The following ZNF33A variants were observed in gnomAD, a reference collection of about 807,000 sequenced individuals.
ZNF33A encodes zinc finger protein 33A, also known as brain my041 protein.
Under a neutral mutation model 15.9 loss-of-function variants are expected in ZNF33A, and 9 were observed. The ratio of observed to expected loss-of-function variants is 0.57; its 90% CI spans 0.34 to 0.99. The LOEUF (loss-of-function observed/expected upper bound fraction) is 0.99. Ranked by LOEUF, ZNF33A falls within the 50% of genes least tolerant of loss-of-function variation. The pLI, the probability that ZNF33A is intolerant of heterozygous loss-of-function variation, is 0.02. For missense variants in ZNF33A, 843 were observed against 941.6 expected, an observed-to-expected ratio of 0.90 and a Z score of 1.37; for synonymous variants, 294 against 324.2, an observed-to-expected ratio of 0.91 and a Z score of 1.00.
rs562389151 is a variant in ZNF33A at position 38,059,208 on chromosome 10, A to C, written c.*2648A>C. 1 of 152,322 alleles carries C rather than the reference A, an allele frequency of 6.6e-6. No individual in the cohort carries two copies. Among genetic ancestry groups the C allele is most frequent in the South Asian group, 2.1e-4 (1 of 4,830 alleles). 9.4% of individuals were successfully genotyped at this position (152,322 alleles called of 1,614,324 possible). A position where few individuals can be genotyped will look rare whatever the true frequency, so the allele number is the denominator to read the frequency against. On this transcript the variant is annotated 3_prime_UTR_variant, in exon 5 of 5. Coordinates refer to ENST00000432900, the MANE Select transcript of ZNF33A (RefSeq NM_006954.2). ...ACACAGAAGGAATACAGGAGAACTT[A>C]CTCAAGTTGGTAAAGAACATACTAC...
At chr10:38,023,811 T>C (rs1331802798) in intron 4 of ZNF33A, among the ~76,000 whole-genome samples, 4 of 152,128 alleles carry the variant, frequency 2.6e-5, no homozygotes, top group African/African-American at 2.4e-5. Context: ...GAAATAAAAC[T>C]TTATATTTAC....
intron 2 of ZNF33A, among the ~76,000 whole-genome samples, chr10:38,014,130 C>T (rs1446137029): frequency 1.4e-5 from 2 of 140,116 alleles, no homozygotes; most frequent in Admixed American, 7.7e-5. Flanking sequence ...CAGCCTCTGC[C>T]TTCAGGGCCC....
At chr10:38,047,624 CAAAAAAAAAAAAAAAAAAAAAAAAAAAA>C (rs554054575) in intron 4 of ZNF33A, among the ~76,000 whole-genome samples, 1 of 75,012 alleles carries the variant, frequency 1.3e-5, no homozygotes, top group Non-Finnish European at 2.5e-5. Flanking sequence ...GACTCTGTCT[CAAAAAAAAAAAAAAAAAAAAAAAAAAAA>C]AAAAAAAAAA....
intron 4 of ZNF33A, among the ~76,000 whole-genome samples, chr10:38,029,988 A>T (rs755582335): frequency 6.6e-6 from 1 of 152,230 alleles, no homozygotes; most frequent in Non-Finnish European, 1.5e-5. Flanking sequence ...TATTCATCCA[A>T]GAAGCTCAAC....
At position 38,059,116 on chromosome 10, in the gene ZNF33A, A is replaced by G. The variant is rs980483510; in HGVS notation, c.*2556A>G. ...ATTAGCAGCTCAAAGATGAAATACG[A>G]TCATATCAATAGGTACAGAAAAAGC... On this transcript the variant is annotated 3_prime_UTR_variant, in exon 5 of 5. Coordinates refer to ENST00000432900, the MANE Select transcript of ZNF33A (RefSeq NM_006954.2). 3 of 152,234 alleles carry G rather than the reference A, an allele frequency of 2.0e-5. No homozygotes were observed. The highest frequency in any genetic ancestry group is 7.2e-5 in the African/African-American group (3 of 41,464). 9.4% of individuals were successfully genotyped at this position (152,234 alleles called of 1,614,324 possible). A position where few individuals can be genotyped will look rare whatever the true frequency, so the allele number is the denominator to read the frequency against.
intron 1 of ZNF33A, 40 bp from the exon 2 acceptor site, chr10:38,012,258 C>G: frequency 6.2e-7 from 1 of 1,600,076 alleles, no homozygotes; most frequent in Non-Finnish European, 8.5e-7. Context: ...GCCAGGCAGG[C>G]CAAATCTTTC....
At chr10:38,023,697 A>G (rs1157656372) in intron 4 of ZNF33A, among the ~76,000 whole-genome samples, 8 of 152,226 alleles carry the variant, frequency 5.3e-5, no homozygotes, top group African/African-American at 1.7e-4. Context: ...ACTGGGAACA[A>G]GGCAAGGATG....
chr10:38,056,031 C>A lies in ZNF33A; in HGVS notation c.1907C>A (p.Pro636His). The A allele has an allele frequency of 6.2e-7, 1 of 1,613,956 alleles. No individual in the cohort carries two copies. Among genetic ancestry groups the A allele is most frequent in the Non-Finnish European group, 8.5e-7 (1 of 1,179,978 alleles). ...QHQRIHIGEK[P>H]YKCNECGKAF... Reference sequence around the variant, plus strand: ...CAGAGAATTCACATAGGGGAGAAACCCTATAAATGTAATGAGTGTGGAAAA... The same window carrying A: ...CAGAGAATTCACATAGGGGAGAAACACTATAAATGTAATGAGTGTGGAAAA... Residue 636 changes from proline to histidine, a missense_variant, in exon 5 of 5, where the codon CCC (proline) becomes CAC (histidine). Transcript: ENST00000432900.
At chr10:38,041,540 T>C (rs1387396023) in intron 4 of ZNF33A, among the ~76,000 whole-genome samples, 1 of 151,944 alleles carries the variant, frequency 6.6e-6, no homozygotes, top group Admixed American at 6.6e-5. Flanking sequence ...TTTTTATATA[T>C]ATTACATATA....
rs183459618 is a variant in ZNF33A, at chr10:38,014,437, C to G, written c.9+2087C>G. On this transcript the variant is annotated intron_variant, in intron 2 of 4. Transcript: ENST00000432900. ...GTGTGTACTAGTCTAGATGACTTTTCCTACTTCAAGGTTATGAAGATACTC... is the reference window on the plus strand; with the variant it reads ...GTGTGTACTAGTCTAGATGACTTTTGCTACTTCAAGGTTATGAAGATACTC... Among the ~76,000 whole-genome samples, 521 of 152,238 alleles carry G rather than the reference C, an allele frequency of 3.4e-3. 4 individuals are homozygous for G. The highest frequency in any genetic ancestry group is 3.1e-3 in the Non-Finnish European group (210 of 68,008).
downstream of ZNF33A, chr10:38,064,190 C>G (rs2066688532): frequency 7.0e-7 from 1 of 1,429,072 alleles, no homozygotes; most frequent in Non-Finnish European, 9.6e-7. Flanking sequence ...ATGGCCTTCC[C>G]TTCTTCCAAA....
chr10:38,035,069 A>C (rs1394776970), intron 4 of ZNF33A, among the ~76,000 whole-genome samples: 1 of 149,714 alleles, frequency 6.7e-6, no homozygotes, highest in Non-Finnish European at 1.5e-5. Flanking sequence ...CATACCCAAC[A>C]GTAAGAAATC....
rs1311035432 is a variant in ZNF33A at position 38,057,658 on chromosome 10, A to G, written c.*1098A>G. The G allele has an allele frequency of 6.1e-6, 6 of 985,468 alleles. No homozygotes were observed. The South Asian group carries it at 1.9e-4, about 31-fold the overall frequency. The allele number at this position is 985,468 out of a possible 1,614,324, so 61.0% of individuals were successfully genotyped here. A position where few individuals can be genotyped will look rare whatever the true frequency, so the allele number is the denominator to read the frequency against. ...TATCTAAAAAAAATCTATCCTGTACATGTGAAGATCTAGGCTCGCCTCCAT... is the reference window on the plus strand; with the variant it reads ...TATCTAAAAAAAATCTATCCTGTACGTGTGAAGATCTAGGCTCGCCTCCAT... On this transcript the variant is annotated 3_prime_UTR_variant, in exon 5 of 5. Transcript: ENST00000432900.
At chr10:38,020,745 A>G (rs1443725478) in intron 4 of ZNF33A, among the ~76,000 whole-genome samples, 2 of 152,288 alleles carry the variant, frequency 1.3e-5, no homozygotes, top group Non-Finnish European at 2.9e-5. Flanking sequence ...GTGAATGGAC[A>G]CTTAGGTTGA....
chr10:38,046,444 G>A (rs1301539154), intron 4 of ZNF33A, among the ~76,000 whole-genome samples: 1 of 152,130 alleles, frequency 6.6e-6, no homozygotes, highest in Non-Finnish European at 1.5e-5. Context: ...GGAGTAATGT[G>A]CCCCAAACTG....
At chr10:38,027,767 T>A (rs1031111231) in intron 4 of ZNF33A, among the ~76,000 whole-genome samples, 11 of 152,240 alleles carry the variant, frequency 7.2e-5, no homozygotes, top group African/African-American at 2.7e-4. Flanking sequence ...TATATCTTAT[T>A]GATGGAACGA....
chr10:38,020,332 T>G (rs1242921111), intron 4 of ZNF33A, among the ~76,000 whole-genome samples: 2 of 152,230 alleles, frequency 1.3e-5, no homozygotes, highest in Non-Finnish European at 2.9e-5. Flanking sequence ...CTAATGTGAT[T>G]ATTTATCTTT....
chr10:38,047,209 A>AAAAAAAAAAT (rs2065984991), intron 4 of ZNF33A, among the ~76,000 whole-genome samples: 1 of 149,544 alleles, frequency 6.7e-6, no homozygotes, highest in African/African-American at 2.4e-5. Flanking sequence ...AAAAAAAAAA[A>AAAAAAAAAAT]AAAAGAATAA....
rs576907801 is a variant in ZNF33A, at chr10:38,057,128, G to A, written c.*568G>A. The A allele has an allele frequency of 1.4e-5, 10 of 732,602 alleles. No individual in the cohort carries two copies. The Admixed American group carries it at 3.8e-4, about 28-fold the overall frequency. The allele number at this position is 732,602 out of a possible 1,614,324, so 45.4% of individuals were successfully genotyped here. The stretch of plus-strand genomic sequence containing the variant: ...GCATGCACTCTGTGTGTGTGTGTAC[G>A]TGTATGTGTGTGTGTGTGGTTATAT... On this transcript the variant is annotated 3_prime_UTR_variant, in exon 5 of 5. Transcript: ENST00000432900.
Sources: allele counts gnomAD v4.1 joint callset (sites outside exome capture counted in the v4.1 genomes callset), GRCh38; gene constraint gnomAD v4.1.1; transcripts MANE v1.5; gene names NCBI Gene and HGNC (gene_info 2026-07-23, HGNC 2026-07-21).